LRMDA: variants seen among roughly 807,000 people sequenced by gnomAD.
LRMDA encodes the protein leucine rich melanocyte differentiation associated, also known as leucine-rich melanocyte differentiation-associated protein.
A neutral mutation model predicts 29.8 loss-of-function variants in LRMDA; 18 were observed. The ratio of observed to expected loss-of-function variants is 0.60; its 90% CI spans 0.42 to 0.90. The LOEUF (loss-of-function observed/expected upper bound fraction) is 0.90. Ranked by LOEUF, LRMDA falls within the 40% of genes least tolerant of loss-of-function variation. LRMDA has a pLI of 0.00. For synonymous variants in LRMDA, 125 were observed against 109.4 expected (o/e 1.14, Z -0.89); for missense variants, 273 against 273.9 (o/e 1.00, Z 0.02).
At chr10:75,518,919 G>A (rs1040568150) in intron 2 of LRMDA, among the ~76,000 whole-genome samples, 5 of 152,122 alleles carry the variant, frequency 3.3e-5, no homozygotes, top group African/African-American at 1.2e-4. Flanking sequence ...GTTCTCATTG[G>A]TTTCAAATAA....
At chr10:75,532,623 A>C (rs551137399) in intron 2 of LRMDA, among the ~76,000 whole-genome samples, 1 of 152,152 alleles carries the variant, frequency 6.6e-6, no homozygotes, top group South Asian at 2.1e-4. Context: ...ACTCTTATTC[A>C]TTTCAGACTT....
intron 2 of LRMDA, among the ~76,000 whole-genome samples, chr10:75,800,065 T>G (rs1427736711): frequency 6.6e-6 from 1 of 152,184 alleles, no homozygotes; most frequent in Admixed American, 6.5e-5. Context: ...TGAGTGGTCC[T>G]TTTTTCCCCC....
chr10:76,081,624 A>T (rs1849051152), intron 5 of LRMDA, among the ~76,000 whole-genome samples: 1 of 152,246 alleles, frequency 6.6e-6, no homozygotes, highest in African/African-American at 2.4e-5. Context: ...GCCTAAGATG[A>T]GATGAAAGAA....
chr10:75,926,168 G>T (rs1846117037), intron 2 of LRMDA, among the ~76,000 whole-genome samples: 4 of 152,120 alleles, frequency 2.6e-5, no homozygotes, highest in African/African-American at 9.7e-5. Context: ...TTATTCTTGT[G>T]TGTCTAAGGC....
chr10:75,861,450 C>T (rs1377389569), intron 2 of LRMDA, among the ~76,000 whole-genome samples: 1 of 152,202 alleles, frequency 6.6e-6, no homozygotes, highest in Non-Finnish European at 1.5e-5. Context: ...AGTCAAGAGG[C>T]AGAGTGGGAC....
At chr10:76,425,747 T>C (rs7921951) in intron 6 of LRMDA, among the ~76,000 whole-genome samples, 134,596 of 143,638 alleles carry the variant, frequency 0.94, 63,575 homozygotes, top group Middle Eastern at 0.99. Flanking sequence ...TGCTATCCCT[T>C]CCCCCTCCCT....
chr10:76,135,015 C>T (rs1379120845), intron 5 of LRMDA, among the ~76,000 whole-genome samples: 1 of 152,182 alleles, frequency 6.6e-6, no homozygotes, highest in African/African-American at 2.4e-5. Flanking sequence ...TGAACTCTTC[C>T]ACCAGTTTAG....
intron 5 of LRMDA, among the ~76,000 whole-genome samples, chr10:76,252,442 A>G (rs963960396): frequency 6.6e-6 from 1 of 152,216 alleles, no homozygotes; most frequent in Non-Finnish European, 1.5e-5. Flanking sequence ...TACACATTCA[A>G]GCAGATGCAT....
intron 5 of LRMDA, among the ~76,000 whole-genome samples, chr10:76,117,300 C>T (rs1387676012): frequency 6.6e-6 from 1 of 152,158 alleles, no homozygotes; most frequent in Non-Finnish European, 1.5e-5. Context: ...CCAACCAGGG[C>T]ATATTCATAA....
chr10:76,340,166 T>C (rs12360474), intron 6 of LRMDA, among the ~76,000 whole-genome samples: 294 of 152,282 alleles, frequency 1.9e-3, no homozygotes, highest in Non-Finnish European at 1.6e-3. Flanking sequence ...ATGTGTCATA[T>C]TGGCATATTA....
chr10:75,666,698 GT>G (rs56100833), intron 2 of LRMDA, among the ~76,000 whole-genome samples: 5 of 151,036 alleles, frequency 3.3e-5, no homozygotes, highest in African/African-American at 4.9e-5. Flanking sequence ...TAGATGGTTG[GT>G]TTTTTTTTGA....
At chr10:75,966,686 C>T (rs1257148364) in intron 2 of LRMDA, among the ~76,000 whole-genome samples, 1 of 152,178 alleles carries the variant, frequency 6.6e-6, no homozygotes, top group East Asian at 1.9e-4. Flanking sequence ...TGGACAAATA[C>T]TTGTGGGGCT....
intron 5 of LRMDA, among the ~76,000 whole-genome samples, chr10:76,142,000 A>G (rs1850210991): frequency 6.6e-6 from 1 of 151,858 alleles, no homozygotes. Context: ...CTTGACTCAT[A>G]ATACTGCCCC....
intron 6 of LRMDA, among the ~76,000 whole-genome samples, chr10:76,542,557 G>T (rs1042685681): frequency 6.6e-6 from 1 of 152,152 alleles, no homozygotes; most frequent in African/African-American, 2.4e-5. Flanking sequence ...CGTTCAGTGA[G>T]TCTATCTTCC....
chr10:76,404,445 C>T (rs1023201378), intron 6 of LRMDA, among the ~76,000 whole-genome samples: 2 of 152,174 alleles, frequency 1.3e-5, no homozygotes, highest in African/African-American at 4.8e-5. Context: ...CTTTTACTTA[C>T]AATAAAAGCC....
At chr10:76,344,342 A>G (rs983838573) in intron 6 of LRMDA, among the ~76,000 whole-genome samples, 1 of 152,136 alleles carries the variant, frequency 6.6e-6, no homozygotes, top group Non-Finnish European at 1.5e-5. Context: ...AATATACAAT[A>G]TCTCCAAGAA....
At chr10:75,951,992 A>G (rs1846583528) in intron 2 of LRMDA, among the ~76,000 whole-genome samples, 1 of 152,190 alleles carries the variant, frequency 6.6e-6, no homozygotes, top group Non-Finnish European at 1.5e-5. Flanking sequence ...AAAATGCAGT[A>G]TGTCCATGGC....
chr10:75,864,804 A>G (rs1211096704), intron 2 of LRMDA, among the ~76,000 whole-genome samples: 1 of 152,234 alleles, frequency 6.6e-6, no homozygotes, highest in African/African-American at 2.4e-5. Flanking sequence ...CTTTAGCAGA[A>G]TTAATGATTT....
At chr10:75,599,765 C>T (rs986906606) in intron 2 of LRMDA, among the ~76,000 whole-genome samples, 1 of 152,020 alleles carries the variant, frequency 6.6e-6, no homozygotes, top group Non-Finnish European at 1.5e-5. Context: ...ACTGAGGAAC[C>T]GAATTTTAAA....
Sources: allele counts gnomAD v4.1 joint callset (sites outside exome capture counted in the v4.1 genomes callset), GRCh38; gene constraint gnomAD v4.1.1; transcripts MANE v1.5; gene names NCBI Gene and HGNC (gene_info 2026-07-23, HGNC 2026-07-21).